Variants in DNPEP observed in about 807,000 individuals in gnomAD.
DNPEP encodes the protein aspartyl aminopeptidase.
DNPEP carries 46 observed loss-of-function variants against 59.1 expected under a neutral mutation model. That is an observed-to-expected ratio of 0.78 (90% confidence interval 0.61 to 0.99). The LOEUF (loss-of-function observed/expected upper bound fraction) is 0.99. DNPEP is among the 50% of genes least tolerant of loss of function. The probability of loss-of-function intolerance (pLI) is 0.00; values close to 1 mark genes in which losing one functional copy is unlikely to be tolerated. For missense variants in DNPEP, 617 were observed against 649.9 expected, an observed-to-expected ratio of 0.95 and a Z score of 0.55; for synonymous variants, 229 against 242.2, an observed-to-expected ratio of 0.95 and a Z score of 0.50.
rs762958048 is a variant in DNPEP, at chr2:219,372,516, C to T, written c.*1776G>A. Among the ~76,000 whole-genome samples the T allele has an allele frequency of 6.6e-6, 1 of 152,124 alleles. No homozygotes were observed. Among genetic ancestry groups the T allele is most frequent in the Non-Finnish European group, 1.5e-5 (1 of 68,016 alleles). On this transcript the variant is annotated 3_prime_UTR_variant, in exon 15 of 15. Transcript: ENST00000273075. ...GAGTAGCTGGGATTACAGGCACCCACCACCACGCATGGCTAATTTTTTTTG... is the reference window on the plus strand; with the variant it reads ...GAGTAGCTGGGATTACAGGCACCCATCACCACGCATGGCTAATTTTTTTTG...
Position 219,381,585 on chromosome 2 carries a change from C to T in DNPEP, c.1098-1G>A. 1 of 1,614,108 alleles carries T rather than the reference C, an allele frequency of 6.2e-7. No homozygotes were observed. Among genetic ancestry groups the T allele is most frequent in the Non-Finnish European group, 8.5e-7 (1 of 1,180,026 alleles). On this transcript the variant is annotated splice_acceptor_variant, in intron 11 of 14. Coordinates refer to ENST00000273075, the MANE Select transcript of DNPEP (RefSeq NM_012100.4). LOFTEE classifies it high-confidence loss of function. Reference sequence around the variant, plus strand: ...CCGGTGGTTCTCCTCATGCTTGTCCCTGTAAGAGACAGATAAGGGCCAGAC... The same window carrying T: ...CCGGTGGTTCTCCTCATGCTTGTCCTTGTAAGAGACAGATAAGGGCCAGAC...
chr2:219,381,269 G>A (rs1051008419), intron 13 of DNPEP, 66 bp downstream of exon 13: 4 of 1,396,018 alleles, frequency 2.9e-6, no homozygotes, highest in East Asian at 4.6e-5. Flanking sequence ...TTCATGGGGG[G>A]CCCATCTGTT....
In DNPEP at chr2:219,386,882, C is replaced by A. The variant is rs1309567668; in HGVS notation, c.219+10G>T. 1 of 1,610,884 alleles carries A rather than the reference C, an allele frequency of 6.2e-7. No homozygotes were observed. The highest frequency in any genetic ancestry group is 1.7e-5 in the Admixed American group (1 of 60,004). On this transcript the variant is annotated intron_variant, in intron 3 of 14. Transcript: ENST00000273075. The stretch of plus-strand genomic sequence containing the variant: ...GACCTGCCTTTCCACCCCCACCCCA[C>A]CCCCAGTACCTTGCTCTCGGGCTTA...
In DNPEP at chr2:219,385,638, T is replaced by C. The variant is rs201369535; in HGVS notation, c.659A>G (p.Asn220Ser). 5.6e-6 allele frequency: 9 copies of C among 1,613,044 alleles called. No individual in the cohort carries two copies. The highest frequency in any genetic ancestry group is 3.3e-5 in the Admixed American group (2 of 59,930). Residue 220 changes from asparagine (N) to serine (S), a missense_variant, in exon 7 of 15, where the codon AAT (asparagine) becomes AGT (serine). Physicochemically the swap from Asn to Ser is conservative, Grantham distance 46 (BLOSUM62 1). Coordinates refer to ENST00000273075, the MANE Select transcript of DNPEP (RefSeq NM_012100.4). ...EKGTPEPGPL[N>S]AVDERHHSVL... Reference sequence around the variant, plus strand: ...ATCAGGAGACTCTCTTACCACAGCATTGAGAGGCCCTGGCTCAGGAGTCCC... The same window carrying C: ...ATCAGGAGACTCTCTTACCACAGCACTGAGAGGCCCTGGCTCAGGAGTCCC...
At chr2:219,388,101 GC>G (rs1235197361), upstream of DNPEP, 17 of 157,228 alleles carry the variant, frequency 1.1e-4, no homozygotes, top group Admixed American at 5.3e-4. Context: ...CGCACCGCCC[GC>G]CCCGCCCCGC....
upstream of DNPEP, among the ~76,000 whole-genome samples, chr2:219,390,755 G>T (rs1009182917): frequency 2.6e-5 from 4 of 152,126 alleles, no homozygotes; most frequent in Non-Finnish European, 5.9e-5. Flanking sequence ...GCTTGAACCC[G>T]GGAGGCAGAG....
intron 13 of DNPEP, among the ~76,000 whole-genome samples, chr2:219,379,656 C>T (rs576272259): frequency 2.0e-5 from 3 of 152,270 alleles, no homozygotes; most frequent in Non-Finnish European, 2.9e-5. Flanking sequence ...GGTGCAGTGG[C>T]TCACACCTGT....
At chr2:219,392,948 C>T (rs151169350), upstream of DNPEP, among the ~76,000 whole-genome samples, 4 of 152,276 alleles carry the variant, frequency 2.6e-5, no homozygotes, top group African/African-American at 7.2e-5. Context: ...TCTAGATTTG[C>T]GGACTTGCCT....
chr2:219,387,735 G>C, intron 1 of DNPEP, 24 bp downstream of exon 1: 1 of 1,607,964 alleles, frequency 6.2e-7, no homozygotes, highest in East Asian at 2.3e-5. Flanking sequence ...CGAAATTCAA[G>C]TGGGGCCGTC....
upstream of DNPEP, chr2:219,393,682 G>A (rs1954053721): frequency 6.6e-6 from 1 of 152,298 alleles, no homozygotes; most frequent in African/African-American, 2.4e-5. Flanking sequence ...TGCTTTCCTG[G>A]AGGAGAGTTT....
Position 219,386,106 on chromosome 2 carries a change from C to T in DNPEP, c.460-8G>A. Reference sequence around the variant, plus strand: ...CCGACCTGAGGTAGGGCACTGCAGCCAGCCAGGCCAGGTCAGCCCAGGGTG... The same window carrying T: ...CCGACCTGAGGTAGGGCACTGCAGCTAGCCAGGCCAGGTCAGCCCAGGGTG... On this transcript the variant is annotated splice_region_variant and splice_polypyrimidine_tract_variant and intron_variant, in intron 5 of 14. Transcript: ENST00000273075. The T allele has an allele frequency of 6.2e-7, 1 of 1,613,914 alleles. No homozygotes were observed. Among genetic ancestry groups the T allele is most frequent in the East Asian group, 2.2e-5 (1 of 44,876 alleles).
chr2:219,395,749 C>T (rs1184190759), intron 1 of DNPEP, among the ~76,000 whole-genome samples: 1 of 152,182 alleles, frequency 6.6e-6, no homozygotes, highest in East Asian at 1.9e-4. Context: ...CCTAGCATCT[C>T]CAGAGGGAAG....
chr2:219,380,202 CTTTTTTTTTT>C (rs71040453), intron 13 of DNPEP, among the ~76,000 whole-genome samples: 18 of 129,202 alleles, frequency 1.4e-4, no homozygotes, highest in African/African-American at 4.9e-4. Context: ...TTTTTCTTTT[CTTTTTTTTTT>C]TTTTTTGGTT....
In DNPEP at chr2:219,385,489, G is replaced by T; in HGVS notation, c.709C>A (p.His237Asn). The change falls in exon 8 of 15, where the codon CAT becomes AAT. Residue 237 changes from histidine to asparagine, a missense_variant. Physicochemically the swap from His to Asn is moderately conservative, Grantham distance 68. Coordinates refer to ENST00000273075, the MANE Select transcript of DNPEP (RefSeq NM_012100.4). ...HSVLMSLLCA[H>N]LGLSPKDIVE... ...ATGTCCTTGGGGCTCAGCCCCAGAT[G>T]GGCACAGAGCAGGGACATGAGGACC... 3 of 1,607,758 alleles carry T rather than the reference G, an allele frequency of 1.9e-6. No individual in the cohort carries two copies. Among genetic ancestry groups the T allele is most frequent in the Non-Finnish European group, 2.6e-6 (3 of 1,174,776 alleles).
At chr2:219,389,130 T>A (rs1346938047), upstream of DNPEP, 1 of 152,410 alleles carries the variant, frequency 6.6e-6, no homozygotes, top group Non-Finnish European at 1.5e-5. Context: ...TGGGTGGATC[T>A]GGGATTTGAC....
chr2:219,385,911 A>C, intron 6 of DNPEP, 57 bp downstream of exon 6: 1 of 1,597,572 alleles, frequency 6.3e-7, no homozygotes, highest in Non-Finnish European at 8.6e-7. Flanking sequence ...TTAGGTAATA[A>C]TCACCTGGTA....
At chr2:219,387,697 C>A in intron 1 of DNPEP, 62 bp downstream of exon 1, 1 of 1,603,072 alleles carries the variant, frequency 6.2e-7, no homozygotes, top group Non-Finnish European at 8.5e-7. Flanking sequence ...AGCTTGGGCC[C>A]CGGAGGGCGC....
In DNPEP at chr2:219,387,700, G is replaced by C. The variant is rs1442655972; in HGVS notation, c.36+59C>G. 3.1e-6 allele frequency: 5 copies of C among 1,604,476 alleles called. No individual in the cohort carries two copies. In the African/African-American group the frequency reaches 4.0e-5, roughly 13 times the overall value. ...AGCACCGCGCTAAGCTTGGGCCCCG[G>C]AGGGCGCCGGACCCGGTCTGGGATC... On this transcript the variant is annotated intron_variant, in intron 1 of 14. Transcript: ENST00000273075.
rs1040304975 is a variant in DNPEP, at chr2:219,384,553, G to A, written c.775-110C>T. 6 of 801,060 alleles carry A rather than the reference G, an allele frequency of 7.5e-6. No homozygotes were observed. In the Admixed American group the frequency reaches 1.5e-4, roughly 19 times the overall value. The allele number at this position is 801,060 out of a possible 1,614,324, so 49.6% of individuals were successfully genotyped here. A position where few individuals can be genotyped will look rare whatever the true frequency, so the allele number is the denominator to read the frequency against. On this transcript the variant is annotated intron_variant, in intron 8 of 14. Coordinates refer to ENST00000273075, the MANE Select transcript of DNPEP (RefSeq NM_012100.4). ...TTGCGCAACCTCTCCCTGACCCCTG[G>A]CTTAGGGCACTATTTTGTTTTTTCT...
Sources: gnomAD v4.1 joint callset for allele counts (sites outside exome capture counted in the v4.1 genomes callset) on GRCh38, gnomAD v4.1.1 for gene constraint, MANE v1.5 for transcripts, NCBI Gene and HGNC (gene_info 2026-07-23, HGNC 2026-07-21) for gene names.